Variants in CCDC50 observed in about 807,000 individuals in gnomAD.
The protein encoded by CCDC50 is coiled-coil domain containing 50, also known as coiled-coil domain-containing protein 50.
A neutral mutation model predicts 70.2 loss-of-function variants in CCDC50; 54 were observed. The ratio of observed to expected loss-of-function variants is 0.77; its 90% confidence interval spans 0.62 to 0.96. The LOEUF (loss-of-function observed/expected upper bound fraction) is 0.96, where lower values mean the gene tolerates loss of function less well. Ranked by LOEUF, CCDC50 falls within the 50% of genes least tolerant of loss-of-function variation. The pLI, the probability that CCDC50 is intolerant of heterozygous loss-of-function variation, is 0.00. For missense variants in CCDC50, 558 were observed against 578.7 expected (o/e 0.96, Z 0.37); for synonymous variants, 216 against 198.8 (o/e 1.09, Z -0.73).
chr3:191,364,884 G>C (rs1290028354), intron 4 of CCDC50, among the ~76,000 whole-genome samples: 1 of 151,690 alleles, frequency 6.6e-6, no homozygotes, highest in Admixed American at 6.6e-5. Context: ...TTCTGTCTCT[G>C]TTTATTTTTA....
intron 1 of CCDC50, among the ~76,000 whole-genome samples, chr3:191,333,569 C>T (rs1369885734): frequency 1.3e-5 from 2 of 152,068 alleles, no homozygotes; most frequent in African/African-American, 4.8e-5. Flanking sequence ...TTAATGAGAC[C>T]CTGGCTGGAT....
At chr3:191,389,719 A>G in intron 11 of CCDC50, 117 bp downstream of exon 11, 2 of 791,628 alleles carry the variant, frequency 2.5e-6, no homozygotes, top group East Asian at 5.0e-5. Flanking sequence ...TTATTCTGTC[A>G]GCACATTGTT....
intron 1 of CCDC50, among the ~76,000 whole-genome samples, chr3:191,337,857 C>G (rs908130252): frequency 6.6e-6 from 1 of 151,894 alleles, no homozygotes; most frequent in Non-Finnish European, 1.5e-5. Context: ...ATTATTGGTC[C>G]TGTTTAAAAC....
chr3:191,354,489 A>C (rs1278047327), intron 1 of CCDC50, among the ~76,000 whole-genome samples: 1 of 152,228 alleles, frequency 6.6e-6, no homozygotes, highest in Non-Finnish European at 1.5e-5. Context: ...AAAATGTAAT[A>C]ATTTCATAAT....
At chr3:191,374,524 A>G (rs1713024779) in intron 5 of CCDC50, among the ~76,000 whole-genome samples, 1 of 152,154 alleles carries the variant, frequency 6.6e-6, no homozygotes, top group Non-Finnish European at 1.5e-5. Flanking sequence ...TGCTTTGGCC[A>G]CATAAAGTGG....
At position 191,394,034 on chromosome 3, in the gene CCDC50, A is replaced by G. The variant is rs1713780855; in HGVS notation, c.*2274A>G. On this transcript the variant is annotated 3_prime_UTR_variant, in exon 12 of 12. Transcript: ENST00000392455. ...ACTTCATCCAGTTATTTATTATTGT[A>G]AAATGTTAACTGGAGATACTGCATT... is the stretch of plus-strand genomic sequence containing the variant. The G allele has an allele frequency of 1.3e-5, 2 of 152,194 alleles. No individual in the cohort carries two copies. The highest frequency in any genetic ancestry group is 2.1e-4 in the South Asian group (1 of 4,820). The allele number at this position is 152,194 out of a possible 1,614,324, so 9.4% of individuals were successfully genotyped here.
At chr3:191,372,428 G>A (rs1251904042) in intron 5 of CCDC50, among the ~76,000 whole-genome samples, 2 of 152,110 alleles carry the variant, frequency 1.3e-5, no homozygotes, top group East Asian at 1.9e-4. Flanking sequence ...TAGACCAAGT[G>A]CAGTTCCACA....
intron 1 of CCDC50, among the ~76,000 whole-genome samples, chr3:191,355,437 TCTGTCTATTCTTACCA>T (rs1712246211): frequency 6.6e-6 from 1 of 152,208 alleles, no homozygotes; most frequent in Non-Finnish European, 1.5e-5. Context: ...ATATTTTCTT[TCTGTCTATTCTTACCA>T]TGATTTACCT....
intron 10 of CCDC50, among the ~76,000 whole-genome samples, chr3:191,385,192 C>A (rs1238207120): frequency 6.6e-6 from 1 of 152,116 alleles, no homozygotes; most frequent in East Asian, 1.9e-4. Context: ...AATGGAATTG[C>A]CAGGGTAATG....
At chr3:191,376,147 GA>G (rs1423477001) in intron 6 of CCDC50, among the ~76,000 whole-genome samples, 1 of 152,168 alleles carries the variant, frequency 6.6e-6, no homozygotes, top group African/African-American at 2.4e-5. Context: ...ACTAACAATG[GA>G]AATGTCTGGG....
Position 191,375,300 on chromosome 3 carries a change from T to C in CCDC50, c.687T>C (p.Thr229=). The part of the protein sequence containing the change: ...NNEQHERKRS[T]QERPRRPLLP... Reference sequence around the variant, plus strand: ...AGCAGCATGAAAGGAAACGGTCCACTCAGGAGAGGCCTCGGAGACCTCTGC... The same window carrying C: ...AGCAGCATGAAAGGAAACGGTCCACCCAGGAGAGGCCTCGGAGACCTCTGC... Residue 229 remains threonine (T), a synonymous_variant, in exon 6 of 12, where the codon ACT becomes ACC. Coordinates refer to ENST00000392455, the MANE Select transcript of CCDC50 (RefSeq NM_178335.3). 6.2e-7 allele frequency: 1 copy of C among 1,613,706 alleles called. No individual in the cohort carries two copies. The highest frequency in any genetic ancestry group is 8.5e-7 in the Non-Finnish European group (1 of 1,179,832).
At chr3:191,383,388 G>T (rs1394668136) in intron 10 of CCDC50, among the ~76,000 whole-genome samples, 1 of 150,962 alleles carries the variant, frequency 6.6e-6, no homozygotes, top group Non-Finnish European at 1.5e-5. Flanking sequence ...GCCTCAAGTT[G>T]TCAACATTTA....
intron 2 of CCDC50, 140 bp downstream of exon 2, chr3:191,357,290 C>A: frequency 1.4e-6 from 1 of 722,694 alleles, no homozygotes; most frequent in Non-Finnish European, 2.5e-6. Flanking sequence ...TTTCTTTAGG[C>A]AAATGATGCC....
At chr3:191,389,853 C>CT (rs10635756) in intron 11 of CCDC50, among the ~76,000 whole-genome samples, 9,052 of 84,318 alleles carry the variant, frequency 0.11, 1,513 homozygotes, top group East Asian at 0.29. Context: ...ATCAAATTCA[C>CT]TTTTTTTTTT....
intron 4 of CCDC50, among the ~76,000 whole-genome samples, chr3:191,366,448 A>G (rs533618522): frequency 2.0e-5 from 3 of 152,228 alleles, no homozygotes; most frequent in East Asian, 3.9e-4. Flanking sequence ...CAATTAATGT[A>G]TTTACTAGGA....
At chr3:191,363,115 A>G (rs1303691518) in intron 4 of CCDC50, among the ~76,000 whole-genome samples, 1 of 151,986 alleles carries the variant, frequency 6.6e-6, no homozygotes, top group Admixed American at 6.5e-5. Flanking sequence ...CAGGATAGAA[A>G]GAGAAAATAA....
At chr3:191,339,692 C>T (rs1488468400) in intron 1 of CCDC50, among the ~76,000 whole-genome samples, 1 of 152,080 alleles carries the variant, frequency 6.6e-6, no homozygotes, top group Non-Finnish European at 1.5e-5. Context: ...ATCATCTGGC[C>T]CCAGGAAAAC....
intron 4 of CCDC50, among the ~76,000 whole-genome samples, chr3:191,368,229 CAA>C (rs953556088): frequency 2.6e-5 from 4 of 151,940 alleles, no homozygotes; most frequent in African/African-American, 7.2e-5. Flanking sequence ...GTTTTTCCAT[CAA>C]AGTCTTAGAA....
chr3:191,334,348 A>T (rs1718076510), intron 1 of CCDC50, among the ~76,000 whole-genome samples: 1 of 152,176 alleles, frequency 6.6e-6, no homozygotes, highest in Non-Finnish European at 1.5e-5. Context: ...TTGAATGAAG[A>T]AGGGAATTTT....
Sources: allele counts gnomAD v4.1 joint callset (sites outside exome capture counted in the v4.1 genomes callset), GRCh38; gene constraint gnomAD v4.1.1; transcripts MANE v1.5; gene names NCBI Gene and HGNC (gene_info 2026-07-23, HGNC 2026-07-21).